The following ABCC10 variants were observed in gnomAD, a reference collection of about 807,000 sequenced individuals.
The protein encoded by ABCC10 is ATP-binding cassette sub-family C member 10.
Under a neutral mutation model 143.2 loss-of-function variants are expected in ABCC10, and 110 were observed. The observed-to-expected ratio is 0.77, with a 90% CI of 0.66 to 0.90. ABCC10 has a LOEUF of 0.90. Among genes scored for constraint, ABCC10 ranks in the 40% least tolerant of loss-of-function variants. The pLI is 0.00. For missense variants in ABCC10, 1,700 were observed against 1,900.5 expected (o/e 0.89, Z 1.96); for synonymous variants, 805 against 846.7 (o/e 0.95, Z 0.85).
chr6:43,428,133 C>A lies in ABCC10; in HGVS notation c.155C>A (p.Thr52Asn), dbSNP rs575927065. 133 of 1,535,540 alleles carry A rather than the reference C, an allele frequency of 8.7e-5. No individual in the cohort carries two copies. Among genetic ancestry groups the A allele is most frequent in the Non-Finnish European group, 1.1e-4 (124 of 1,142,846 alleles). ...LAVLSACYLGTPRSPDYILPC... is the reference protein window; with the variant it reads ...LAVLSACYLGNPRSPDYILPC... ...GTGCTCAGTGCCTGTTACTTGGGCA[C>A]CCCGAGGTGGGTAGAGACGGGCGCA... The change falls in exon 2 of 22, where the codon ACC becomes AAC. Residue 52 changes from threonine (T) to asparagine (N), a missense_variant. Thr to Asn is a moderately conservative substitution (Grantham distance 65). Coordinates refer to ENST00000372530, the MANE Select transcript of ABCC10 (RefSeq NM_001198934.2).
intron 6 of ABCC10, among the ~76,000 whole-genome samples, chr6:43,437,113 G>T (rs1781808190): frequency 6.6e-6 from 1 of 152,172 alleles, no homozygotes; most frequent in Non-Finnish European, 1.5e-5. Context: ...GCTTCTGTGT[G>T]CCTCTCTCCC....
Position 43,441,891 on chromosome 6 carries a change from G to C in ABCC10, c.2157G>C (p.Val719=). ...TGCCTGCTGGAGACCAGACAGAGGT[G>C]GGGGAGAAGGGTGTCACCCTTAGCG... ...SILPAGDQTE[V]GEKGVTLSGG... Residue 719 remains valine (V), a synonymous_variant, in exon 9 of 22, where the codon GTG becomes GTC. Transcript: ENST00000372530. 6.2e-7 allele frequency: 1 copy of C among 1,613,758 alleles called. No individual in the cohort carries two copies.
At chr6:43,447,661 C>T in intron 17 of ABCC10, 23 bp from the exon 18 acceptor site, 1 of 1,613,268 alleles carries the variant, frequency 6.2e-7, no homozygotes. Context: ...CCCCGTCTGT[C>T]TCCCACCCAT....
chr6:43,438,420 A>G (rs1781980324), intron 7 of ABCC10: 4 of 1,427,750 alleles, frequency 2.8e-6, no homozygotes, highest in Non-Finnish European at 3.6e-6. Context: ...GGCTGTAGCC[A>G]AAGAGCTATT....
At chr6:43,438,360 G>T in intron 7 of ABCC10, 1 of 1,416,072 alleles carries the variant, frequency 7.1e-7, no homozygotes, top group Non-Finnish European at 9.2e-7. Flanking sequence ...CAATGTGGTG[G>T]CCATACTCTC....
intron 2 of ABCC10, among the ~76,000 whole-genome samples, chr6:43,429,610 A>G (rs1159785881): frequency 2.0e-5 from 3 of 152,140 alleles, no homozygotes; most frequent in African/African-American, 4.8e-5. Context: ...TTTTTTAAAA[A>G]TTATTTTTAA....
At chr6:43,435,335 C>T (rs1036642266) in intron 4 of ABCC10, among the ~76,000 whole-genome samples, 2 of 152,138 alleles carry the variant, frequency 1.3e-5, no homozygotes, top group South Asian at 4.1e-4. Flanking sequence ...GAGTTCGAGA[C>T]CAGCCTGACC....
chr6:43,436,039 G>A, intron 5 of ABCC10, 99 bp from the exon 6 acceptor site: 1 of 1,603,768 alleles, frequency 6.2e-7, no homozygotes, highest in Non-Finnish European at 8.5e-7. Context: ...TTAGCTTTGG[G>A]CAGGTAGATA....
chr6:43,427,666 G>T lies in ABCC10; in HGVS notation c.-103G>T. The T allele has an allele frequency of 2.1e-6, 1 of 484,108 alleles. No individual in the cohort carries two copies. The allele number at this position is 484,108 out of a possible 1,614,324, so 30.0% of individuals were successfully genotyped here. A position where few individuals can be genotyped will look rare whatever the true frequency, so the allele number is the denominator to read the frequency against. Reference sequence around the variant, plus strand: ...TTTTTTTGCATACACCAGTTCTCAGGATATCGGAATCCGGTGCACAGCAGC... The same window carrying T: ...TTTTTTTGCATACACCAGTTCTCAGTATATCGGAATCCGGTGCACAGCAGC... On this transcript the variant is annotated 5_prime_UTR_variant, in exon 1 of 22. Coordinates refer to ENST00000372530, the MANE Select transcript of ABCC10 (RefSeq NM_001198934.2).
Position 43,444,185 on chromosome 6 carries a change from G to C in ABCC10, c.2521G>C (p.Glu841Gln). The C allele has an allele frequency of 1.9e-6, 3 of 1,613,852 alleles. No homozygotes were observed. Among genetic ancestry groups the C allele is most frequent in the Non-Finnish European group, 2.5e-6 (3 of 1,179,856 alleles). Residue 841 changes from glutamate (E) to glutamine (Q), a missense_variant, in exon 12 of 22, where the codon GAG becomes CAG. By Grantham distance (29) the Glu-to-Gln change is conservative (BLOSUM62 2). Transcript: ENST00000372530. ...SATAQSVQNP[E>Q]KTKEGLEEEQ... ...CACAGCCCAGTCAGTACAGAACCCAGAGAAAACAAAGGAGGGGCTGGAGGA... is the reference window on the plus strand; with the variant it reads ...CACAGCCCAGTCAGTACAGAACCCACAGAAAACAAAGGAGGGGCTGGAGGA...
At chr6:43,429,412 CG>C (rs55677950) in intron 2 of ABCC10, among the ~76,000 whole-genome samples, 85,497 of 100,796 alleles carry the variant, frequency 0.85, 35,912 homozygotes, top group East Asian at 0.93. Flanking sequence ...GTGTGTGTGG[CG>C]GGGGGGAGGG....
chr6:43,431,213 G>A (rs987326406), intron 2 of ABCC10, among the ~76,000 whole-genome samples: 4 of 152,090 alleles, frequency 2.6e-5, no homozygotes, highest in East Asian at 1.9e-4. Context: ...ATAAAGTTTA[G>A]GCTACCATAT....
At chr6:43,432,024 G>A (rs1781190386) in intron 2 of ABCC10, 118 bp from the exon 3 acceptor site, 1 of 1,485,458 alleles carries the variant, frequency 6.7e-7, no homozygotes, top group South Asian at 1.4e-5. Context: ...GTAGGGATAA[G>A]ATGTGCAAGG....
Position 43,448,921 on chromosome 6 carries a change from A to G in ABCC10, c.4000A>G (p.Ser1334Gly). Reference sequence around the variant, plus strand: ...CATCCCCCAGGAGCCCTTTTTGTTCAGTGGGACTGTTCGGGAAAACCTGGA... The same window carrying G: ...CATCCCCCAGGAGCCCTTTTTGTTCGGTGGGACTGTTCGGGAAAACCTGGA... Reference protein sequence around the residue: ...AIIPQEPFLFSGTVRENLDPQ... With the variant: ...AIIPQEPFLFGGTVRENLDPQ... The change falls in exon 19 of 22, where the codon AGT (serine) becomes GGT (glycine). Residue 1334 changes from serine to glycine, a missense_variant. Coordinates refer to ENST00000372530, the MANE Select transcript of ABCC10 (RefSeq NM_001198934.2). 6.2e-7 allele frequency: 1 copy of G among 1,614,092 alleles called. No homozygotes were observed. Among genetic ancestry groups the G allele is most frequent in the Non-Finnish European group, 8.5e-7 (1 of 1,179,978 alleles).
Position 43,444,309 on chromosome 6 carries a change from A to G in ABCC10, c.2645A>G (p.Gln882Arg), listed in dbSNP as rs1359655062. The G allele has an allele frequency of 6.2e-7, 1 of 1,613,564 alleles. No individual in the cohort carries two copies. Among genetic ancestry groups the G allele is most frequent in the Admixed American group, 1.7e-5 (1 of 59,914 alleles). ...VYQAYWKAVG[Q>R]GLALAILFSL... ...CAAGCTTACTGGAAGGCCGTGGGCC[A>G]GGGCTTGGCCTTAGCCATCCTCTTC... The change falls in exon 12 of 22, where the codon CAG (glutamine) becomes CGG (arginine). Residue 882 changes from glutamine to arginine, a missense_variant. Coordinates refer to ENST00000372530, the MANE Select transcript of ABCC10 (RefSeq NM_001198934.2).
In ABCC10 at chr6:43,443,358, A is replaced by C; in HGVS notation, c.2416+199A>C. 1.9e-6 allele frequency: 1 copy of C among 530,700 alleles called. No individual in the cohort carries two copies. The highest frequency in any genetic ancestry group is 3.2e-6 in the Non-Finnish European group (1 of 315,876). 32.9% of individuals were successfully genotyped at this position (530,700 alleles called of 1,614,324 possible). ...TTGGTAAAATGCCAGTGTATTTGGG[A>C]CTCATGGGCTTTGTGACTGGGTGCT... is the stretch of plus-strand genomic sequence containing the variant. On this transcript the variant is annotated intron_variant, in intron 10 of 21. Coordinates refer to ENST00000372530, the MANE Select transcript of ABCC10 (RefSeq NM_001198934.2). The surrounding 1 kb of genome is among the most constrained non-coding windows in gnomAD (Gnocchi z 4.2).
chr6:43,437,433 C>CAAAAAAAAAAAAAAAAAAAA (rs57827467), intron 6 of ABCC10, among the ~76,000 whole-genome samples: 1 of 102,392 alleles, frequency 9.8e-6, no homozygotes, highest in African/African-American at 6.4e-5. Flanking sequence ...AACATATGAC[C>CAAAAAAAAAAAAAAAAAAAA]AAAAAAAAAA....
intron 14 of ABCC10, 82 bp downstream of exon 14, chr6:43,445,396 G>A (rs1782941936): frequency 2.7e-6 from 4 of 1,470,646 alleles, no homozygotes; most frequent in Non-Finnish European, 3.7e-6. Flanking sequence ...GCTCCACTGG[G>A]GATGGGAGAG....
downstream of ABCC10, chr6:43,451,212 C>T (rs1783712706): frequency 6.2e-7 from 1 of 1,614,184 alleles, no homozygotes; most frequent in Non-Finnish European, 8.5e-7. The surrounding 1 kb of genome is among the most constrained non-coding windows in gnomAD (Gnocchi z 4.4). Flanking sequence ...CAAGCAGCGG[C>T]ACGTGAAGTT....
Sources: allele counts gnomAD v4.1 joint callset (sites outside exome capture counted in the v4.1 genomes callset), GRCh38; gene constraint gnomAD v4.1.1; non-coding constraint Gnocchi (gnomAD v3.1); transcripts MANE v1.5; gene names NCBI Gene and HGNC (gene_info 2026-07-23, HGNC 2026-07-21).